The following CNTNAP5 variants were observed in gnomAD, a reference collection of about 807,000 sequenced individuals.
The protein encoded by CNTNAP5 is contactin associated protein family member 5, also known as contactin-associated protein-like 5.
CNTNAP5 carries 72 observed loss-of-function variants against 150.2 expected under a neutral mutation model. The observed-to-expected ratio is 0.48, with a 90% CI of 0.40 to 0.58. The LOEUF is 0.58. Among genes scored for constraint, CNTNAP5 ranks in the 20% least tolerant of loss-of-function variants. The probability of loss-of-function intolerance (pLI) is 0.00; values close to 1 mark genes in which losing one functional copy is unlikely to be tolerated. For synonymous variants in CNTNAP5, 672 were observed against 619.8 expected, an observed-to-expected ratio of 1.08 and a Z score of -1.25; for missense variants, 1,636 against 1,626.2, an observed-to-expected ratio of 1.01 and a Z score of -0.10.
chr2:124,398,757 G>A (rs1428932376), intron 3 of CNTNAP5, among the ~76,000 whole-genome samples: 5 of 152,186 alleles, frequency 3.3e-5, no homozygotes, highest in African/African-American at 7.2e-5. Context: ...CTGGGATTAC[G>A]GGCATAAGCC....
At chr2:124,205,091 T>C (rs958205387) in intron 1 of CNTNAP5, among the ~76,000 whole-genome samples, 6 of 152,184 alleles carry the variant, frequency 3.9e-5, no homozygotes, top group African/African-American at 1.2e-4. Flanking sequence ...CAATCCTAAG[T>C]TGGAAACTGG....
intron 7 of CNTNAP5, among the ~76,000 whole-genome samples, chr2:124,495,645 T>C (rs1694125008): frequency 6.6e-6 from 1 of 152,204 alleles, no homozygotes; most frequent in South Asian, 2.1e-4. Flanking sequence ...GAAACCCTAA[T>C]GTGCACGATC....
chr2:124,050,594 A>G (rs1231934962), intron 1 of CNTNAP5, among the ~76,000 whole-genome samples: 1 of 152,138 alleles, frequency 6.6e-6, no homozygotes, highest in Non-Finnish European at 1.5e-5. Flanking sequence ...CAGATTTCAA[A>G]ATTCCCTCAT....
At chr2:124,379,853 T>G (rs956157212) in intron 3 of CNTNAP5, among the ~76,000 whole-genome samples, 4 of 152,092 alleles carry the variant, frequency 2.6e-5, no homozygotes, top group Non-Finnish European at 4.4e-5. Context: ...TTTGGAATAC[T>G]GTAAGTTTAT....
intron 10 of CNTNAP5, among the ~76,000 whole-genome samples, chr2:124,558,107 T>C (rs35936470): frequency 0.14 from 21,772 of 152,140 alleles, 1,605 homozygotes; most frequent in Middle Eastern, 0.32. Context: ...CCCTTGCTCT[T>C]GTGTTGGGAA....
chr2:124,180,113 T>C (rs1685175661), intron 1 of CNTNAP5, among the ~76,000 whole-genome samples: 1 of 152,220 alleles, frequency 6.6e-6, no homozygotes, highest in East Asian at 1.9e-4. Flanking sequence ...ACAATTAATT[T>C]CATGAAAGTG....
chr2:124,356,003 G>T (rs1232778105), intron 3 of CNTNAP5, among the ~76,000 whole-genome samples: 1 of 152,108 alleles, frequency 6.6e-6, no homozygotes, highest in Non-Finnish European at 1.5e-5. Context: ...ATCTGTGAGT[G>T]TTAAGAGTAG....
intron 3 of CNTNAP5, among the ~76,000 whole-genome samples, chr2:124,407,183 C>T (rs1439943598): frequency 6.6e-6 from 1 of 152,090 alleles, no homozygotes; most frequent in Non-Finnish European, 1.5e-5. Flanking sequence ...TACTAATTTC[C>T]TTTCCTTTTG....
At chr2:124,227,422 C>T (rs565593511) in intron 2 of CNTNAP5, among the ~76,000 whole-genome samples, 3 of 152,266 alleles carry the variant, frequency 2.0e-5, no homozygotes, top group Non-Finnish European at 4.4e-5. Flanking sequence ...CACACTCCCT[C>T]TCTCCCTCAC....
At chr2:124,717,136 C>T (rs1679961035) in intron 13 of CNTNAP5, among the ~76,000 whole-genome samples, 1 of 152,068 alleles carries the variant, frequency 6.6e-6, no homozygotes, top group South Asian at 2.1e-4. Flanking sequence ...ATGCCATTTC[C>T]AGAGTAGGGT....
At chr2:124,265,235 C>T (rs1455676439) in intron 3 of CNTNAP5, among the ~76,000 whole-genome samples, 1 of 152,166 alleles carries the variant, frequency 6.6e-6, no homozygotes, top group Non-Finnish European at 1.5e-5. Context: ...CATCTGGAAT[C>T]CCTTAAGCGA....
Position 124,706,922 on chromosome 2 carries a change from A to AAGGAGGAGGAGGAGG in CNTNAP5, c.2078-40305_2078-40304insGAGGAGGAGGAGGAG, listed in dbSNP as rs1558743308. Among the ~76,000 whole-genome samples the AAGGAGGAGGAGGAGG allele has an allele frequency of 3.5e-4, 38 of 108,994 alleles. 2 individuals are homozygous for AAGGAGGAGGAGGAGG. The highest frequency in any genetic ancestry group is 1.4e-3 in the East Asian group (5 of 3,474). 71.5% of individuals were successfully genotyped at this position (108,994 alleles called of 152,430 possible). On this transcript the variant is annotated intron_variant, in intron 13 of 23. Coordinates refer to ENST00000682447, the MANE Select transcript of CNTNAP5 (RefSeq NM_001367498.1). Reference sequence around the variant, plus strand: ...GAAGAAGGAGGAGGAGGAGGAGAAGAAGAAGAAGAAGAAGAAGAAGGAGGA... The same window carrying AAGGAGGAGGAGGAGG: ...GAAGAAGGAGGAGGAGGAGGAGAAGAAGGAGGAGGAGGAGGAGAAGAAGAAGAAGAAGAAGGAGGA...
chr2:124,365,932 T>C (rs1690359543), intron 3 of CNTNAP5, among the ~76,000 whole-genome samples: 1 of 152,228 alleles, frequency 6.6e-6, no homozygotes, highest in African/African-American at 2.4e-5. Context: ...ATTTCTTATA[T>C]TCTTAATTTA....
intron 10 of CNTNAP5, among the ~76,000 whole-genome samples, chr2:124,559,197 A>G (rs929445756): frequency 6.6e-6 from 1 of 152,186 alleles, no homozygotes; most frequent in Non-Finnish European, 1.5e-5. Context: ...CCACCTAGCA[A>G]TGATCCTTCT....
intron 11 of CNTNAP5, among the ~76,000 whole-genome samples, chr2:124,565,864 G>A (rs1375678792): frequency 4.6e-5 from 7 of 151,894 alleles, no homozygotes; most frequent in South Asian, 4.1e-4. Flanking sequence ...CTCCCAAAGC[G>A]CTGGGATTAC....
intron 12 of CNTNAP5, among the ~76,000 whole-genome samples, chr2:124,631,656 G>T (rs1454333280): frequency 1.3e-5 from 2 of 152,146 alleles, no homozygotes; most frequent in Non-Finnish European, 2.9e-5. Flanking sequence ...CAGGACATAG[G>T]CAAGGGGAAA....
intron 6 of CNTNAP5, among the ~76,000 whole-genome samples, chr2:124,460,749 C>CT (rs910635592): frequency 1.3e-5 from 2 of 152,174 alleles, no homozygotes; most frequent in African/African-American, 4.8e-5. Flanking sequence ...GCCTTCCTTA[C>CT]TTTTACTTGG....
chr2:124,468,467 ATCT>A (rs1413418813), intron 6 of CNTNAP5, among the ~76,000 whole-genome samples: 1 of 151,992 alleles, frequency 6.6e-6, no homozygotes, highest in Non-Finnish European at 1.5e-5. Flanking sequence ...AGCTTCTTCC[ATCT>A]TCTTCTGTCT....
At chr2:124,423,939 C>T (rs1232062003) in intron 4 of CNTNAP5, among the ~76,000 whole-genome samples, 3 of 152,092 alleles carry the variant, frequency 2.0e-5, no homozygotes, top group African/African-American at 7.2e-5. Context: ...GCTGGGATTA[C>T]AGGCGTGAGC....
Sources: allele counts gnomAD v4.1 joint callset (sites outside exome capture counted in the v4.1 genomes callset), GRCh38; gene constraint gnomAD v4.1.1; transcripts MANE v1.5; gene names NCBI Gene and HGNC (gene_info 2026-07-23, HGNC 2026-07-21).